The following RASEF variants were observed in gnomAD, a reference collection of about 807,000 sequenced individuals.
RASEF encodes RAS and EF-hand domain containing, also known as ras and EF-hand domain-containing protein.
A neutral mutation model predicts 90.1 loss-of-function variants in RASEF; 68 were observed. The ratio of observed to expected loss-of-function variants is 0.75; its 90% CI spans 0.62 to 0.92. The LOEUF (loss-of-function observed/expected upper bound fraction) is 0.92, where lower values mean the gene tolerates loss of function less well. Among genes scored for constraint, RASEF ranks in the 40% least tolerant of loss-of-function variants. The pLI is 0.00. For missense variants in RASEF, 949 were observed against 937.2 expected, an observed-to-expected ratio of 1.01 and a Z score of -0.16; for synonymous variants, 331 against 345.2, an observed-to-expected ratio of 0.96 and a Z score of 0.46.
At chr9:83,216,988 G>C in the RASEF span, among the ~76,000 whole-genome samples, 1 of 152,178 alleles carries the variant, frequency 6.6e-6, no homozygotes. Context: ...ACCCTACAAA[G>C]CCACACAGGC....
chr9:83,169,606 GT>G, the RASEF span, among the ~76,000 whole-genome samples: 1 of 151,334 alleles, frequency 6.6e-6, no homozygotes, highest in Admixed American at 6.6e-5. Context: ...TTTGTTTTTT[GT>G]TTTGTTTTTG....
At chr9:82,992,407 T>G (rs1828832262) in intron 15 of RASEF, among the ~76,000 whole-genome samples, 1 of 152,180 alleles carries the variant, frequency 6.6e-6, no homozygotes, top group African/African-American at 2.4e-5. Flanking sequence ...GCATATGCAT[T>G]TGTATATGGG....
chr9:83,206,979 C>T, the RASEF span, among the ~76,000 whole-genome samples: 1 of 152,122 alleles, frequency 6.6e-6, no homozygotes, highest in African/African-American at 2.4e-5. Context: ...CCTGCCTTTC[C>T]CTCCTGGAGA....
Position 83,001,777 on chromosome 9 carries a change from G to A in RASEF, c.1203-647C>T, listed in dbSNP as rs1829044624. On this transcript the variant is annotated intron_variant, in intron 9 of 16. Transcript: ENST00000376447. The stretch of plus-strand genomic sequence containing the variant: ...TAATCAACATGGCAAAAAATGATAG[G>A]CAATTAGAAACATCTGATAAAAATA... Among the ~76,000 whole-genome samples the A allele has an allele frequency of 2.0e-5, 3 of 152,126 alleles. No individual in the cohort carries two copies. In the South Asian group the frequency reaches 6.2e-4, roughly 32 times the overall value.
chr9:83,084,455 G>A, the RASEF span, among the ~76,000 whole-genome samples: 1 of 152,168 alleles, frequency 6.6e-6, no homozygotes, highest in Admixed American at 6.5e-5. Context: ...TGTCTTACAT[G>A]AATTAACCTG....
chr9:83,139,628 G>A, the RASEF span, among the ~76,000 whole-genome samples: 4 of 152,120 alleles, frequency 2.6e-5, no homozygotes, highest in South Asian at 4.1e-4. Flanking sequence ...GGAGGAACAG[G>A]AGGGGTTAGT....
the RASEF span, among the ~76,000 whole-genome samples, chr9:83,082,575 T>C: frequency 1.3e-5 from 2 of 152,156 alleles, no homozygotes; most frequent in South Asian, 4.1e-4. Context: ...CAATTTTTTA[T>C]CCAGATAGTC....
chr9:83,160,753 G>A, the RASEF span, among the ~76,000 whole-genome samples: 2 of 152,148 alleles, frequency 1.3e-5, no homozygotes, highest in Non-Finnish European at 2.9e-5. Context: ...CAGGCCCAGA[G>A]GCCTAGGAAA....
At chr9:83,211,321 T>C in the RASEF span, among the ~76,000 whole-genome samples, 2 of 152,158 alleles carry the variant, frequency 1.3e-5, no homozygotes, top group Admixed American at 1.3e-4. Flanking sequence ...TTTTTAACCA[T>C]GTAGAATGTG....
chr9:83,113,913 C>A, the RASEF span, among the ~76,000 whole-genome samples: 3 of 152,146 alleles, frequency 2.0e-5, no homozygotes, highest in African/African-American at 7.2e-5. Context: ...GTTACCTACT[C>A]CCTGTTTGTA....
intron 4 of RASEF, among the ~76,000 whole-genome samples, chr9:83,013,231 G>A (rs892560543): frequency 3.9e-5 from 6 of 152,092 alleles, no homozygotes; most frequent in Non-Finnish European, 8.8e-5. Flanking sequence ...ACAACAAAAT[G>A]CCTTTCCTAC....
intron 3 of RASEF, among the ~76,000 whole-genome samples, chr9:83,016,926 T>C (rs1829352191): frequency 6.6e-6 from 1 of 152,172 alleles, no homozygotes; most frequent in Non-Finnish European, 1.5e-5. Context: ...TTAATCCATA[T>C]AAATTAAATA....
At chr9:83,082,554 G>T in the RASEF span, among the ~76,000 whole-genome samples, 1 of 152,104 alleles carries the variant, frequency 6.6e-6, no homozygotes, top group African/African-American at 2.4e-5. Context: ...TGATCAAAGG[G>T]CTTACAACAA....
chr9:83,024,850 G>A (rs763064572), intron 2 of RASEF, among the ~76,000 whole-genome samples: 1 of 152,118 alleles, frequency 6.6e-6, no homozygotes, highest in Non-Finnish European at 1.5e-5. Context: ...CAAGTCACCC[G>A]CCCCTATGTA....
the RASEF span, among the ~76,000 whole-genome samples, chr9:83,200,321 AG>A: frequency 6.6e-5 from 10 of 152,042 alleles, no homozygotes; most frequent in Non-Finnish European, 1.0e-4. Context: ...GCTTGAACCC[AG>A]GGGGCGGAGG....
chr9:83,211,535 T>A, the RASEF span, among the ~76,000 whole-genome samples: 1 of 152,218 alleles, frequency 6.6e-6, no homozygotes, highest in African/African-American at 2.4e-5. Context: ...ACATTTCATC[T>A]AGGCTGGCCC....
the RASEF span, among the ~76,000 whole-genome samples, chr9:83,088,511 G>A: frequency 6.6e-6 from 1 of 151,898 alleles, no homozygotes; most frequent in Admixed American, 6.6e-5. Context: ...TATTGATAGT[G>A]AGGTATTGAA....
At chr9:83,131,854 A>G in the RASEF span, among the ~76,000 whole-genome samples, 2 of 152,208 alleles carry the variant, frequency 1.3e-5, no homozygotes, top group Non-Finnish European at 2.9e-5. Context: ...TAGGATGTCT[A>G]CAGAATTTGT....
the RASEF span, among the ~76,000 whole-genome samples, chr9:83,173,232 T>G: frequency 6.6e-6 from 1 of 152,100 alleles, no homozygotes; most frequent in East Asian, 1.9e-4. Flanking sequence ...TAGTTTTATT[T>G]GGGTTGGATC....
Sources: gnomAD v4.1 joint callset for allele counts (sites outside exome capture counted in the v4.1 genomes callset) on GRCh38, gnomAD v4.1.1 for gene constraint, MANE v1.5 for transcripts, NCBI Gene and HGNC (gene_info 2026-07-23, HGNC 2026-07-21) for gene names.